PTPN22: variants seen among roughly 807,000 people sequenced by gnomAD.
PTPN22 encodes the protein protein tyrosine phosphatase non-receptor type 22.
Under a neutral mutation model 103.3 loss-of-function variants are expected in PTPN22, and 85 were observed. The observed-to-expected ratio is 0.82, with a 90% CI of 0.69 to 0.99. PTPN22 has a LOEUF of 0.99. Among genes scored for constraint, PTPN22 ranks in the 50% least tolerant of loss-of-function variants. The pLI, the probability that PTPN22 is intolerant of heterozygous loss-of-function variation, is 0.00. For synonymous variants in PTPN22, 323 were observed against 310.2 expected, an observed-to-expected ratio of 1.04 and a Z score of -0.43; for missense variants, 865 against 936.9, an observed-to-expected ratio of 0.92 and a Z score of 1.00.
intron 3 of PTPN22, 66 bp from the exon 4 acceptor site, chr1:113,858,639 C>A: frequency 1.0e-6 from 1 of 991,000 alleles, no homozygotes; most frequent in Non-Finnish European, 1.5e-6. Context: ...TAGTCCTCCG[C>A]TTCCTTTTTT....
At chr1:113,851,083 T>C (rs760393922) in intron 10 of PTPN22, among the ~76,000 whole-genome samples, 2 of 152,092 alleles carry the variant, frequency 1.3e-5, no homozygotes, top group Non-Finnish European at 2.9e-5. Flanking sequence ...AGAGCATTCC[T>C]AATGGAGTGA....
At chr1:113,850,214 AAGG>A (rs1664448050) in intron 10 of PTPN22, among the ~76,000 whole-genome samples, 1 of 108,044 alleles carries the variant, frequency 9.3e-6, no homozygotes, top group Admixed American at 9.3e-5. Flanking sequence ...GGAAGGAAGG[AAGG>A]AAGGAAGGAA....
At chr1:113,827,904 C>T (rs1431144080) in intron 18 of PTPN22, among the ~76,000 whole-genome samples, 3 of 152,188 alleles carry the variant, frequency 2.0e-5, no homozygotes, top group African/African-American at 7.2e-5. Flanking sequence ...CATAGCCTCC[C>T]TAACAGAGAG....
chr1:113,862,278 G>A (rs925957693), intron 1 of PTPN22, among the ~76,000 whole-genome samples: 25 of 151,830 alleles, frequency 1.6e-4, no homozygotes, highest in Non-Finnish European at 2.4e-4. Context: ...GTGAGACTCC[G>A]CCTCAAAAAA....
chr1:113,825,869 A>G (rs1351675510), intron 18 of PTPN22, among the ~76,000 whole-genome samples: 1 of 151,906 alleles, frequency 6.6e-6, no homozygotes, highest in Non-Finnish European at 1.5e-5. Context: ...ACCTGCTACC[A>G]TGCCTGGCTA....
chr1:113,838,887 T>C (rs1028430137), intron 11 of PTPN22, among the ~76,000 whole-genome samples: 1 of 152,166 alleles, frequency 6.6e-6, no homozygotes, highest in African/African-American at 2.4e-5. Context: ...GTTTTAAAAA[T>C]GTTCTTTGGT....
intron 14 of PTPN22, 88 bp from the exon 15 acceptor site, chr1:113,834,527 G>A: frequency 2.3e-6 from 3 of 1,320,214 alleles, no homozygotes; most frequent in African/African-American, 2.9e-5. Flanking sequence ...ATAAAACATT[G>A]AAAGGACCTG....
intron 1 of PTPN22, among the ~76,000 whole-genome samples, chr1:113,862,141 G>T (rs1390140140): frequency 6.6e-6 from 1 of 152,036 alleles, no homozygotes; most frequent in Non-Finnish European, 1.5e-5. Context: ...AATTAGCTGG[G>T]CATGGTGGCA....
chr1:113,863,869 T>C (rs1439902400), intron 1 of PTPN22, among the ~76,000 whole-genome samples: 1 of 149,876 alleles, frequency 6.7e-6, no homozygotes, highest in African/African-American at 2.5e-5. Flanking sequence ...AGGTATCTTC[T>C]TTCTGTTAGG....
chr1:113,841,527 A>G (rs568028653), intron 11 of PTPN22, among the ~76,000 whole-genome samples: 18 of 152,194 alleles, frequency 1.2e-4, no homozygotes, highest in African/African-American at 3.9e-4. Flanking sequence ...TGCAAATCAC[A>G]TATCTGATAA....
rs962528308 is a variant in PTPN22, at chr1:113,857,656, A to G, written c.408+82T>C. 1.1e-5 allele frequency: 14 copies of G among 1,277,740 alleles called. No homozygotes were observed. In the Admixed American group the frequency reaches 2.4e-4, roughly 22 times the overall value. 79.2% of individuals were successfully genotyped at this position (1,277,740 alleles called of 1,614,324 possible). ...ACATAAGTTTTATCTAGGTACACTC[A>G]GGTAAGTTCTGCTGCCAATTTCCCT... On this transcript the variant is annotated intron_variant, in intron 5 of 20. Transcript: ENST00000359785.
At chr1:113,871,489 T>C (rs1261286128) in intron 1 of PTPN22, 48 bp downstream of exon 1, 19 of 1,527,044 alleles carry the variant, frequency 1.2e-5, no homozygotes, top group Non-Finnish European at 1.7e-5. Flanking sequence ...CCATAGTCAG[T>C]TAAATAGTGT....
At chr1:113,830,829 T>C (rs1662484432) in intron 16 of PTPN22, among the ~76,000 whole-genome samples, 1 of 152,154 alleles carries the variant, frequency 6.6e-6, no homozygotes, top group South Asian at 2.1e-4. Context: ...AGTATTACTA[T>C]TATATTAATT....
intron 4 of PTPN22, 62 bp downstream of exon 4, chr1:113,858,416 T>A (rs1220201051): frequency 1.6e-6 from 2 of 1,282,510 alleles, no homozygotes; most frequent in African/African-American, 3.0e-5. Flanking sequence ...CTGACCAATT[T>A]TTTAAAAGCA....
chr1:113,814,115 T>C (rs530668660), exon 21 of PTPN22: 1 of 152,458 alleles, frequency 6.6e-6, no homozygotes, highest in African/African-American at 2.4e-5. Context: ...CATATTCATA[T>C]AGAAATTCAT....
At chr1:113,822,352 G>C (rs1266697803) in intron 19 of PTPN22, among the ~76,000 whole-genome samples, 1 of 152,148 alleles carries the variant, frequency 6.6e-6, no homozygotes, top group Non-Finnish European at 1.5e-5. Flanking sequence ...AAAATAAATA[G>C]GAAACAGAGC....
exon 21 of PTPN22, chr1:113,814,925 G>A: frequency 6.2e-7 from 1 of 1,609,004 alleles, no homozygotes; most frequent in African/African-American, 1.3e-5. Flanking sequence ...CAAGTTGGTG[G>A]TGGATTCCTT....
At chr1:113,831,467 A>C (rs1361564107) in intron 16 of PTPN22, among the ~76,000 whole-genome samples, 1 of 152,002 alleles carries the variant, frequency 6.6e-6, no homozygotes, top group African/African-American at 2.4e-5. Flanking sequence ...TATTCTGGAT[A>C]TTTCATGTGA....
At chr1:113,835,435 G>A (rs914959358) in intron 13 of PTPN22, among the ~76,000 whole-genome samples, 9 of 152,032 alleles carry the variant, frequency 5.9e-5, no homozygotes, top group Admixed American at 2.6e-4. Context: ...GGAGAATGGC[G>A]TGAACCCGGA....
Sources: allele counts gnomAD v4.1 joint callset (sites outside exome capture counted in the v4.1 genomes callset), GRCh38; gene constraint gnomAD v4.1.1; transcripts MANE v1.5; gene names NCBI Gene and HGNC (gene_info 2026-07-23, HGNC 2026-07-21).